PDE1A: variants seen among roughly 807,000 people sequenced by gnomAD.
PDE1A encodes the protein dual specificity calcium/calmodulin-dependent 3',5'-cyclic nucleotide phosphodiesterase 1A.
Under a neutral mutation model 61.7 loss-of-function variants are expected in PDE1A, and 35 were observed. That is an observed-to-expected ratio of 0.57 (90% CI 0.43 to 0.75). The LOEUF is 0.75. PDE1A is among the 30% of genes least tolerant of loss of function. The pLI is 0.00. For synonymous variants in PDE1A, 232 were observed against 213.2 expected, an observed-to-expected ratio of 1.09 and a Z score of -0.77; for missense variants, 597 against 630.6, an observed-to-expected ratio of 0.95 and a Z score of 0.57.
At chr2:182,535,362 C>T in the PDE1A span, among the ~76,000 whole-genome samples, 2 of 151,896 alleles carry the variant, frequency 1.3e-5, no homozygotes, top group Non-Finnish European at 2.9e-5. Context: ...TGTCTAATTC[C>T]AAAGCCTGTA....
At chr2:182,697,571 C>A in the PDE1A span, among the ~76,000 whole-genome samples, 2 of 152,330 alleles carry the variant, frequency 1.3e-5, no homozygotes, top group Middle Eastern at 6.8e-3. Context: ...AGGCAAAACA[C>A]CACGCTGCCA....
chr2:182,248,755 G>A (rs926132327), intron 2 of PDE1A, among the ~76,000 whole-genome samples: 1 of 152,040 alleles, frequency 6.6e-6, no homozygotes, highest in African/African-American at 2.4e-5. Flanking sequence ...ATTGGTACCC[G>A]CAATTACACC....
chr2:182,261,632 G>A (rs1417923079), intron 2 of PDE1A, among the ~76,000 whole-genome samples: 1 of 152,058 alleles, frequency 6.6e-6, no homozygotes, highest in Non-Finnish European at 1.5e-5. Flanking sequence ...CCCCGCAAAA[G>A]AGCAATTTTC....
At chr2:182,224,800 C>T (rs1032062724) in intron 6 of PDE1A, among the ~76,000 whole-genome samples, 2 of 151,896 alleles carry the variant, frequency 1.3e-5, no homozygotes, top group Admixed American at 1.3e-4. Flanking sequence ...AGCCACATTA[C>T]ATATGCCCAT....
the PDE1A span, among the ~76,000 whole-genome samples, chr2:182,716,750 C>T: frequency 6.6e-6 from 1 of 152,110 alleles, no homozygotes; most frequent in Admixed American, 6.5e-5. Context: ...CAGCCCTGTT[C>T]CCCCGTGTCT....
chr2:182,487,338 G>A (rs767582983), intron 2 of PDE1A, among the ~76,000 whole-genome samples: 3 of 152,118 alleles, frequency 2.0e-5, no homozygotes, highest in Admixed American at 2.0e-4. Context: ...TTGTATGGCC[G>A]CTCTGGAAGA....
the PDE1A span, among the ~76,000 whole-genome samples, chr2:182,641,051 AG>A: frequency 4.6e-5 from 7 of 150,998 alleles, no homozygotes; most frequent in African/African-American, 1.7e-4. Context: ...AAGATATACA[AG>A]GAATACAAAG....
At chr2:182,293,747 G>A (rs961326060) in intron 1 of PDE1A, among the ~76,000 whole-genome samples, 3 of 152,106 alleles carry the variant, frequency 2.0e-5, no homozygotes, top group Non-Finnish European at 2.9e-5. Context: ...ACTGTAAGAG[G>A]AGTTATGTGA....
chr2:182,294,093 T>G (rs901290354), intron 1 of PDE1A, among the ~76,000 whole-genome samples: 1 of 152,172 alleles, frequency 6.6e-6, no homozygotes, highest in African/African-American at 2.4e-5. Context: ...CAACAAAAGA[T>G]TTAATCACAC....
intron 6 of PDE1A, among the ~76,000 whole-genome samples, chr2:182,225,858 G>A (rs1478427965): frequency 6.7e-6 from 1 of 150,006 alleles, no homozygotes; most frequent in Non-Finnish European, 1.5e-5. Context: ...CTGGATGAGT[G>A]AAGCAGAAAT....
intron 6 of PDE1A, among the ~76,000 whole-genome samples, chr2:182,229,424 A>T (rs778608197): frequency 5.3e-5 from 8 of 152,136 alleles, no homozygotes; most frequent in Non-Finnish European, 8.8e-5. Flanking sequence ...CATTACAAAA[A>T]TTCCCAACTC....
intron 2 of PDE1A, among the ~76,000 whole-genome samples, chr2:182,474,565 T>C (rs1205174692): frequency 6.6e-6 from 1 of 151,932 alleles, no homozygotes; most frequent in Non-Finnish European, 1.5e-5. Flanking sequence ...ACATTCCTAA[T>C]TTTTAAGGAT....
At chr2:182,587,032 G>A in the PDE1A span, among the ~76,000 whole-genome samples, 12,477 of 152,146 alleles carry the variant, frequency 0.082, 1,638 homozygotes, top group African/African-American at 0.28. Context: ...AAAGGAAAAG[G>A]CACTTAAGCA....
At chr2:182,656,021 G>T in the PDE1A span, among the ~76,000 whole-genome samples, 2 of 152,084 alleles carry the variant, frequency 1.3e-5, no homozygotes, top group Non-Finnish European at 2.9e-5. Context: ...CCCTGTGGTT[G>T]TCCTTCATCA....
intron 1 of PDE1A, among the ~76,000 whole-genome samples, chr2:182,324,815 C>T (rs1696938881): frequency 6.6e-6 from 1 of 152,142 alleles, no homozygotes; most frequent in South Asian, 2.1e-4. Context: ...ACCAAGTCAG[C>T]TGAAGTTAGT....
At chr2:182,583,584 T>G in the PDE1A span, among the ~76,000 whole-genome samples, 1 of 152,172 alleles carries the variant, frequency 6.6e-6, no homozygotes, top group Non-Finnish European at 1.5e-5. Flanking sequence ...TCTATGATTC[T>G]CCTCACCCCG....
chr2:182,453,897 A>C (rs1350930746), intron 2 of PDE1A, among the ~76,000 whole-genome samples: 3 of 151,978 alleles, frequency 2.0e-5, no homozygotes, highest in Non-Finnish European at 4.4e-5. Flanking sequence ...TATTCAACAC[A>C]GTGTTGGAAG....
At chr2:182,264,878 C>CATATATATATATATATATATACATAT (rs148358464) in intron 1 of PDE1A, among the ~76,000 whole-genome samples, 1 of 106,878 alleles carries the variant, frequency 9.4e-6, no homozygotes, top group African/African-American at 3.7e-5. Flanking sequence ...TATATATATA[C>CATATATATATATATATATATACATAT]ATATATATAT....
rs147844330 is a variant in PDE1A, at chr2:182,200,649, T to C, written c.1125+790A>G. On this transcript the variant is annotated intron_variant, in intron 10 of 13. Transcript: ENST00000351439. ...AATTGTAATTGTAAGGATAGCACTTTTGAAGTTTTGTGAGTCATTCTAGCA... is the reference window on the plus strand; with the variant it reads ...AATTGTAATTGTAAGGATAGCACTTCTGAAGTTTTGTGAGTCATTCTAGCA... 2.2e-4 allele frequency among the ~76,000 whole-genome samples: 34 copies of C among 152,320 alleles called. No homozygotes were observed. The East Asian group carries it at 5.0e-3, about 22-fold the overall frequency.
Sources: gnomAD v4.1 joint callset for allele counts (sites outside exome capture counted in the v4.1 genomes callset) on GRCh38, gnomAD v4.1.1 for gene constraint, MANE v1.5 for transcripts, NCBI Gene and HGNC (gene_info 2026-07-23, HGNC 2026-07-21) for gene names.